The following MYO16 variants were observed in gnomAD, a reference collection of about 807,000 sequenced individuals.
The protein encoded by MYO16 is myosin XVI.
A neutral mutation model predicts 205.3 loss-of-function variants in MYO16; 94 were observed. The ratio of observed to expected loss-of-function variants is 0.46; its 90% CI spans 0.39 to 0.54. The LOEUF is 0.54. MYO16 is among the 20% of genes least tolerant of loss of function. The pLI, the probability that MYO16 is intolerant of heterozygous loss-of-function variation, is 0.00. For synonymous variants in MYO16, 988 were observed against 954.0 expected (o/e 1.04, Z -0.66); for missense variants, 2,315 against 2,387.5 (o/e 0.97, Z 0.63).
chr13:108,672,114 A>T (rs1202968788), intron 2 of MYO16, among the ~76,000 whole-genome samples: 2 of 152,186 alleles, frequency 1.3e-5, no homozygotes, highest in African/African-American at 4.8e-5. Context: ...TAGGGGAAAA[A>T]TATGAATTTC....
chr13:108,879,401 T>C (rs2139158282), intron 12 of MYO16, among the ~76,000 whole-genome samples: 2 of 152,340 alleles, frequency 1.3e-5, no homozygotes, highest in East Asian at 1.9e-4. Context: ...CTAGGGTACA[T>C]GTGCACAATG....
chr13:109,069,755 C>A (rs1887868715), intron 27 of MYO16, among the ~76,000 whole-genome samples: 1 of 152,030 alleles, frequency 6.6e-6, no homozygotes, highest in South Asian at 2.1e-4. Flanking sequence ...CTAATTTAGC[C>A]TTAATTACTT....
At chr13:109,045,047 C>T (rs1050857493) in intron 23 of MYO16, among the ~76,000 whole-genome samples, 48 of 152,144 alleles carry the variant, frequency 3.2e-4, no homozygotes, top group African/African-American at 1.1e-3. Context: ...CATTTTTACT[C>T]TCATTTTACC....
chr13:109,140,834 T>G lies in MYO16; in HGVS notation c.4622T>G (p.Leu1541Arg). The G allele has an allele frequency of 6.3e-7, 1 of 1,591,168 alleles. No individual in the cohort carries two copies. Among genetic ancestry groups the G allele is most frequent in the South Asian group, 1.1e-5 (1 of 88,840 alleles). Residue 1541 changes from leucine (L) to arginine (R), a missense_variant, in exon 32 of 35, where the codon CTG becomes CGG. By Grantham distance (102) the Leu-to-Arg change is moderately radical (BLOSUM62 -2). Transcript: ENST00000457511. This position sits in a 1 kb window ranked among gnomAD's most constrained non-coding sequence, Gnocchi z 8.0. ...SPLTPLEVKK[L>R]PVLETNLKYP... ...CTGACACCCCTGGAGGTGAAGAAGC[T>G]GCCAGTCCTGGAGACCAACCTCAAG...
chr13:109,154,911 G>GAAAAAAAAAAAAAAAAAAAAAAAAAAAAA (rs59465499), intron 32 of MYO16, among the ~76,000 whole-genome samples: 2 of 62,666 alleles, frequency 3.2e-5, no homozygotes, highest in African/African-American at 6.2e-5. Flanking sequence ...GGCTAATTAT[G>GAAAAAAAAAAAAAAAAAAAAAAAAAAAAA]AAAAAAAAAA....
At chr13:108,540,403 T>C in the MYO16 span, among the ~76,000 whole-genome samples, 2 of 152,112 alleles carry the variant, frequency 1.3e-5, no homozygotes, top group Non-Finnish European at 2.9e-5. Flanking sequence ...TTGGCCCATG[T>C]GGATCAAGCC....
intron 1 of MYO16, among the ~76,000 whole-genome samples, chr13:108,621,885 A>T (rs574928970): frequency 2.2e-4 from 33 of 152,246 alleles, no homozygotes; most frequent in African/African-American, 7.7e-4. Context: ...GTCCTGTTTT[A>T]TCATTGTTGC....
At chr13:109,064,744 T>G (rs1054056277) in intron 27 of MYO16, among the ~76,000 whole-genome samples, 3 of 152,208 alleles carry the variant, frequency 2.0e-5, no homozygotes, top group Non-Finnish European at 4.4e-5. Flanking sequence ...GTGTGGCCTG[T>G]GTCATTCCCA....
chr13:108,518,214 T>A, the MYO16 span, among the ~76,000 whole-genome samples: 2 of 152,240 alleles, frequency 1.3e-5, no homozygotes, highest in Non-Finnish European at 2.9e-5. Flanking sequence ...AAAATGATTA[T>A]GCATAATTTG....
chr13:108,814,399 C>G (rs1375025452), intron 7 of MYO16, among the ~76,000 whole-genome samples: 1 of 151,826 alleles, frequency 6.6e-6, no homozygotes, highest in Non-Finnish European at 1.5e-5. Context: ...TTTTCCCTAC[C>G]TTACTCCATA....
intron 4 of MYO16, among the ~76,000 whole-genome samples, chr13:108,735,666 T>G (rs9520995): frequency 0.98 from 147,000 of 149,658 alleles, 72,238 homozygotes; most frequent in Middle Eastern, 1. Flanking sequence ...CCAGTAATGG[T>G]ATGGCTGGGT....
chr13:108,668,714 G>C (rs1278217907), intron 2 of MYO16, among the ~76,000 whole-genome samples: 1 of 152,100 alleles, frequency 6.6e-6, no homozygotes, highest in Non-Finnish European at 1.5e-5. Flanking sequence ...TGAATCTTCT[G>C]CCTCCCTCTT....
In MYO16 at chr13:108,992,418, T is replaced by G; in HGVS notation, c.2412T>G (p.Phe804Leu). 6.2e-7 allele frequency: 1 copy of G among 1,606,824 alleles called. No individual in the cohort carries two copies. Among genetic ancestry groups the G allele is most frequent in the Non-Finnish European group, 8.5e-7 (1 of 1,173,994 alleles). Reference protein sequence around the residue: ...LDIGILDIFGFEEFQKNEFEQ... With the variant: ...LDIGILDIFGLEEFQKNEFEQ... Reference sequence around the variant, plus strand: ...TTGGAATATTGGACATTTTTGGTTTTGAAGAGTTTCAAAAGAATGAATTTG... The same window carrying G: ...TTGGAATATTGGACATTTTTGGTTTGGAAGAGTTTCAAAAGAATGAATTTG... Residue 804 changes from phenylalanine (F) to leucine (L), a missense_variant, in exon 21 of 35, where the codon TTT (phenylalanine) becomes TTG (leucine). Phe to Leu is a conservative substitution (Grantham distance 22). Coordinates refer to ENST00000457511, the MANE Select transcript of MYO16 (RefSeq NM_001198950.3).
chr13:108,943,570 G>A (rs1046399507), intron 16 of MYO16, among the ~76,000 whole-genome samples: 4 of 151,954 alleles, frequency 2.6e-5, no homozygotes, highest in Non-Finnish European at 5.9e-5. Context: ...CGATTCTCCT[G>A]CCTCCCAAGT....
At chr13:108,961,463 T>TA in intron 17 of MYO16, 76 bp from the exon 18 acceptor site, 1 of 1,176,466 alleles carries the variant, frequency 8.5e-7, no homozygotes, top group Non-Finnish European at 1.3e-6. Context: ...AACTTACTTT[T>TA]AGATATTTAA....
At chr13:108,585,045 G>A in the MYO16 span, among the ~76,000 whole-genome samples, 1 of 152,006 alleles carries the variant, frequency 6.6e-6, no homozygotes, top group Non-Finnish European at 1.5e-5. Context: ...TGAATCATTG[G>A]GAAGATATTC....
chr13:109,156,054 A>G (rs937286655), intron 32 of MYO16, among the ~76,000 whole-genome samples: 1 of 152,214 alleles, frequency 6.6e-6, no homozygotes, highest in Non-Finnish European at 1.5e-5. Flanking sequence ...AGGGGTGTCA[A>G]AGCCCTGTTT....
intron 2 of MYO16, among the ~76,000 whole-genome samples, chr13:108,671,060 G>A (rs1440444951): frequency 6.6e-6 from 1 of 152,172 alleles, no homozygotes; most frequent in Non-Finnish European, 1.5e-5. Context: ...TTCAAAAGAA[G>A]CAGAGAGTAA....
At chr13:108,661,633 T>C (rs1179133441) in intron 1 of MYO16, among the ~76,000 whole-genome samples, 2 of 152,172 alleles carry the variant, frequency 1.3e-5, no homozygotes, top group Non-Finnish European at 2.9e-5. Context: ...TTCCCAAATG[T>C]TTGATTGTTT....
Sources: allele counts gnomAD v4.1 joint callset (sites outside exome capture counted in the v4.1 genomes callset), GRCh38; gene constraint gnomAD v4.1.1; non-coding constraint Gnocchi (gnomAD v3.1); transcripts MANE v1.5; gene names NCBI Gene and HGNC (gene_info 2026-07-23, HGNC 2026-07-21).